Variants in PTGER3 observed in about 807,000 individuals in gnomAD.
PTGER3 encodes the protein prostaglandin E2 receptor EP3 subtype.
Under a neutral mutation model 34.7 loss-of-function variants are expected in PTGER3, and 22 were observed. That is an observed-to-expected ratio of 0.63 (90% CI 0.45 to 0.91). The LOEUF (loss-of-function observed/expected upper bound fraction) is 0.91. PTGER3 is among the 40% of genes least tolerant of loss of function. The probability of loss-of-function intolerance (pLI) is 0.00; values close to 1 mark genes in which losing one functional copy is unlikely to be tolerated. For synonymous variants in PTGER3, 241 were observed against 230.1 expected, an observed-to-expected ratio of 1.05 and a Z score of -0.43; for missense variants, 468 against 519.4, an observed-to-expected ratio of 0.90 and a Z score of 0.96.
intron 4 of PTGER3, among the ~76,000 whole-genome samples, chr1:70,908,001 T>C (rs146875680): frequency 0.021 from 3,143 of 152,232 alleles, 53 homozygotes; most frequent in South Asian, 0.035. Context: ...GGTTCACTGT[T>C]GATTCTCTGA....
intron 4 of PTGER3, among the ~76,000 whole-genome samples, chr1:70,915,319 C>A (rs1196246076): frequency 6.6e-6 from 1 of 151,404 alleles, no homozygotes; most frequent in Admixed American, 6.6e-5. Flanking sequence ...ATTATCTATG[C>A]CTATTGAATA....
chr1:70,906,522 T>TG (rs11429405), intron 4 of PTGER3, among the ~76,000 whole-genome samples: 139,925 of 152,218 alleles, frequency 0.92, 64,419 homozygotes, highest in East Asian at 1. Context: ...CCTGCAGGAG[T>TG]GGAAAAAATG....
intron 4 of PTGER3, chr1:70,862,358 T>C (rs770473470): frequency 2.2e-6 from 3 of 1,367,184 alleles, no homozygotes; most frequent in African/African-American, 1.5e-5. Context: ...GGCAGATTTA[T>C]CTTCAAGTCA....
chr1:70,907,120 T>C (rs1317894574), intron 4 of PTGER3, among the ~76,000 whole-genome samples: 1 of 152,178 alleles, frequency 6.6e-6, no homozygotes, highest in Non-Finnish European at 1.5e-5. Flanking sequence ...ACTCACCAAA[T>C]GGTAGAAAAG....
In PTGER3 at chr1:71,009,042, A is replaced by C. The variant is rs575478440; in HGVS notation, c.1077+3263T>G. On this transcript the variant is annotated intron_variant, in intron 2 of 3. Coordinates refer to ENST00000306666, the MANE Select transcript of PTGER3 (RefSeq NM_198719.2). The stretch of plus-strand genomic sequence containing the variant: ...GTTGATCTCAACCAAAAGAACTATT[A>C]GTGATTGCTGATGTGGAGAAGGTTG... 9.2e-6 allele frequency: 9 copies of C among 981,980 alleles called. No homozygotes were observed. The East Asian group carries it at 1.0e-3, about 111-fold the overall frequency. 60.8% of individuals were successfully genotyped at this position (981,980 alleles called of 1,614,324 possible).
rs867555485 is a variant in PTGER3 at position 70,935,956 on chromosome 1, G to T, written c.*23+17807C>A. Reference sequence around the variant, plus strand: ...TGGTCTTTTCACAGGGAGTTAAAAAGTTCAGCATGGTTAGGACTAACGCTG... The same window carrying T: ...TGGTCTTTTCACAGGGAGTTAAAAATTTCAGCATGGTTAGGACTAACGCTG... On this transcript the variant is annotated intron_variant, in intron 4 of 4. Transcript: ENST00000370931. Among the ~76,000 whole-genome samples, 4 of 152,200 alleles carry T rather than the reference G, an allele frequency of 2.6e-5. No homozygotes were observed. The South Asian group carries it at 8.3e-4, about 32-fold the overall frequency.
rs1034170832 is a variant in PTGER3, at chr1:71,029,275, T to G, written c.898-16791A>C. Among the ~76,000 whole-genome samples the G allele has an allele frequency of 3.3e-5, 5 of 152,172 alleles. No individual in the cohort carries two copies. The East Asian group carries it at 5.8e-4, about 18-fold the overall frequency. On this transcript the variant is annotated intron_variant, in intron 1 of 3. Transcript: ENST00000306666. Reference sequence around the variant, plus strand: ...AGATTTATTGAAAAACAAGGCAAGATCTCTGCTTTTAAGCAGTTTATAATT... The same window carrying G: ...AGATTTATTGAAAAACAAGGCAAGAGCTCTGCTTTTAAGCAGTTTATAATT...
At chr1:70,952,576 T>C in exon 4 of PTGER3, 2 of 1,005,114 alleles carry the variant, frequency 2.0e-6, no homozygotes, top group South Asian at 9.0e-5. Flanking sequence ...GTTAAAATAC[T>C]CTTGCATTTC....
chr1:70,900,926 G>C lies in PTGER3; in HGVS notation c.*24-48067C>G, dbSNP rs114773304. 2.5e-3 allele frequency among the ~76,000 whole-genome samples: 377 copies of C among 152,286 alleles called. 3 individuals carry two copies. Among genetic ancestry groups the C allele is most frequent in the African/African-American group, 8.3e-3 (343 of 41,558 alleles). ...TTATTTATTGCAAGTATGTATGATG[G>C]ACCAGTAGGAGGAAACAGATAGGAG... On this transcript the variant is annotated intron_variant, in intron 4 of 4. Coordinates refer to the PTGER3 transcript ENST00000370931.
chr1:70,880,790 G>A (rs1246373444), intron 4 of PTGER3, among the ~76,000 whole-genome samples: 7 of 151,764 alleles, frequency 4.6e-5, no homozygotes, highest in Non-Finnish European at 1.5e-5. Context: ...GCTTGATAGG[G>A]TTCCCTTTGT....
intron 2 of PTGER3, among the ~76,000 whole-genome samples, chr1:70,978,236 A>T (rs1653898182): frequency 6.6e-6 from 1 of 152,100 alleles, no homozygotes; most frequent in African/African-American, 2.4e-5. Context: ...AACTTTTGGT[A>T]TATGCTCTCA....
intron 4 of PTGER3, among the ~76,000 whole-genome samples, chr1:70,915,796 G>T (rs1338919367): frequency 1.3e-5 from 2 of 151,656 alleles, no homozygotes; most frequent in Admixed American, 1.3e-4. Context: ...CTGTTTCATT[G>T]GTCTATGTGT....
intron 1 of PTGER3, among the ~76,000 whole-genome samples, chr1:71,031,918 T>C (rs1415764181): frequency 6.6e-6 from 1 of 152,260 alleles, no homozygotes; most frequent in Admixed American, 6.5e-5. Flanking sequence ...AAAAGAATTT[T>C]AAAATGTTCC....
intron 4 of PTGER3, among the ~76,000 whole-genome samples, chr1:70,901,049 C>T (rs1291101288): frequency 6.6e-6 from 1 of 152,134 alleles, no homozygotes; most frequent in Non-Finnish European, 1.5e-5. Flanking sequence ...TGTGGTAAGA[C>T]TGATGTCCAA....
chr1:70,899,493 G>A (rs1245535313), intron 4 of PTGER3, among the ~76,000 whole-genome samples: 2 of 152,118 alleles, frequency 1.3e-5, no homozygotes, highest in East Asian at 3.9e-4. Context: ...AGACATAGAA[G>A]CATGAATCAC....
At chr1:70,903,958 C>T (rs931549884) in intron 4 of PTGER3, among the ~76,000 whole-genome samples, 2 of 152,156 alleles carry the variant, frequency 1.3e-5, no homozygotes, top group Non-Finnish European at 2.9e-5. Context: ...CCAGCCAAAA[C>T]TCATCTTGAA....
downstream of PTGER3, among the ~76,000 whole-genome samples, chr1:70,948,935 A>C (rs151302198): frequency 6.2e-4 from 94 of 152,280 alleles, no homozygotes; most frequent in African/African-American, 2.0e-3. Flanking sequence ...GAAAGGACGA[A>C]TTAGAGCACG....
chr1:70,882,775 T>A (rs1386599341), intron 4 of PTGER3, among the ~76,000 whole-genome samples: 2 of 152,166 alleles, frequency 1.3e-5, no homozygotes, highest in Non-Finnish European at 2.9e-5. Context: ...CTTTACCATG[T>A]GGGAGAGGTT....
chr1:70,939,680 G>A (rs1246549637), intron 4 of PTGER3, among the ~76,000 whole-genome samples: 1 of 152,206 alleles, frequency 6.6e-6, no homozygotes, highest in Non-Finnish European at 1.5e-5. Context: ...ACCCTCTGAA[G>A]CCACAGACTG....
Sources: gnomAD v4.1 joint callset for allele counts (sites outside exome capture counted in the v4.1 genomes callset) on GRCh38, gnomAD v4.1.1 for gene constraint, MANE v1.5 for transcripts, NCBI Gene and HGNC (gene_info 2026-07-23, HGNC 2026-07-21) for gene names.